DCAF8L2: variants seen among roughly 807,000 people sequenced by gnomAD.
DCAF8L2 encodes the protein DDB1 and CUL4 associated factor 8 like 2, also known as DDB1- and CUL4-associated factor 8-like protein 2.
For synonymous variants in DCAF8L2, 200 were observed against 190.9 expected (o/e 1.05, Z -0.39); for missense variants, 430 against 490.7 (o/e 0.88, Z 1.17).
At chrX:27,547,847 C>T in the DCAF8L2 span, among the ~76,000 whole-genome samples, 722 of 37,618 alleles carry the variant, frequency 0.019, 15 homozygotes, top group African/African-American at 0.14. Flanking sequence ...CTCTCTCTTT[C>T]TCTCTCTCTC....
At chrX:27,612,787 G>C (rs1157735250) in intron 1 of DCAF8L2, among the ~76,000 whole-genome samples, 1 of 111,499 alleles carries the variant, frequency 9.0e-6, no homozygotes, top group Non-Finnish European at 1.9e-5. Flanking sequence ...TGAGGCCTCT[G>C]TTGTGTTCCA....
chrX:27,713,747 A>G (rs915009012), intron 3 of DCAF8L2, among the ~76,000 whole-genome samples: 1 of 111,657 alleles, frequency 9.0e-6, no homozygotes, highest in Non-Finnish European at 1.9e-5. Flanking sequence ...CATAACTGCA[A>G]CCATAGGTAA....
the DCAF8L2 span, among the ~76,000 whole-genome samples, chrX:27,485,640 G>T: frequency 9.0e-5 from 10 of 110,968 alleles, no homozygotes; most frequent in Non-Finnish European, 1.3e-4. Context: ...TAATCTTCTG[G>T]TCATCCTTAA....
chrX:27,533,190 GAAAGAAAGAA>G, the DCAF8L2 span, among the ~76,000 whole-genome samples: 1 of 25,034 alleles, frequency 4.0e-5, no homozygotes, highest in Non-Finnish European at 9.8e-5. Flanking sequence ...AAGAAAGAAA[GAAAGAAAGAA>G]AGAAAGAAAG....
At chrX:27,470,887 T>A in the DCAF8L2 span, among the ~76,000 whole-genome samples, 2 of 112,179 alleles carry the variant, frequency 1.8e-5, no homozygotes, top group African/African-American at 3.2e-5. Context: ...TTAATGAAGA[T>A]TTTATGCCTT....
chrX:27,622,509 C>G (rs1345603454), intron 1 of DCAF8L2, among the ~76,000 whole-genome samples: 2 of 111,207 alleles, frequency 1.8e-5, no homozygotes, highest in African/African-American at 6.6e-5. Context: ...GCAATAATCT[C>G]AAACTCATTT....
intron 4 of DCAF8L2, among the ~76,000 whole-genome samples, chrX:27,743,955 AT>A (rs2147342039): frequency 9.1e-6 from 1 of 109,417 alleles, no homozygotes; most frequent in African/African-American, 3.3e-5. Flanking sequence ...CTGGTCTCAA[AT>A]TCCTGACCTC....
chrX:27,634,655 C>A (rs922672642), intron 2 of DCAF8L2, among the ~76,000 whole-genome samples: 1 of 110,788 alleles, frequency 9.0e-6, no homozygotes, highest in African/African-American at 3.3e-5. Flanking sequence ...AAATCCGAAA[C>A]CTTTTGAGTG....
chrX:27,510,879 G>C, the DCAF8L2 span, among the ~76,000 whole-genome samples: 10 of 111,609 alleles, frequency 9.0e-5, no homozygotes, highest in African/African-American at 3.2e-4. Flanking sequence ...GTGGTTCATA[G>C]AATATTATAC....
chrX:27,611,195 G>C (rs1446681705), intron 1 of DCAF8L2, among the ~76,000 whole-genome samples: 3 of 110,922 alleles, frequency 2.7e-5, no homozygotes, highest in Non-Finnish European at 5.7e-5. Flanking sequence ...TACGGGGATG[G>C]GATATAAATC....
At chrX:27,488,517 C>CTGTGTGTG in the DCAF8L2 span, among the ~76,000 whole-genome samples, 267 of 80,465 alleles carry the variant, frequency 3.3e-3, 5 homozygotes, top group East Asian at 0.014. Flanking sequence ...AAAATTACCT[C>CTGTGTGTG]TGTGTGTGTG....
chrX:27,474,636 T>C, the DCAF8L2 span, among the ~76,000 whole-genome samples: 1 of 112,396 alleles, frequency 8.9e-6, no homozygotes, highest in Admixed American at 9.4e-5. Flanking sequence ...GACGTTGTTA[T>C]TTAAACATGT....
At chrX:27,474,713 T>A in the DCAF8L2 span, among the ~76,000 whole-genome samples, 16 of 111,935 alleles carry the variant, frequency 1.4e-4, no homozygotes, top group Admixed American at 1.3e-3. Flanking sequence ...TATGCTCCTT[T>A]TAAAGGCAAA....
At chrX:27,696,306 GAAAGAAAGAAAGAAAGAAAGAAAGAAAA>G (rs778894531) in intron 3 of DCAF8L2, among the ~76,000 whole-genome samples, 5,683 of 89,103 alleles carry the variant, frequency 0.064, 153 homozygotes, top group East Asian at 0.093. Context: ...AAGAAAGAAA[GAAAGAAAGAAAGAAAGAAAGAAAGAAAA>G]AGAAAGAAAG....
chrX:27,496,546 G>T, the DCAF8L2 span, among the ~76,000 whole-genome samples: 1 of 111,323 alleles, frequency 9.0e-6, no homozygotes, highest in Non-Finnish European at 1.9e-5. Flanking sequence ...TGTGTTTGAG[G>T]ATCATTAGTC....
chrX:27,524,836 G>A, the DCAF8L2 span, among the ~76,000 whole-genome samples: 2 of 111,694 alleles, frequency 1.8e-5, no homozygotes, highest in East Asian at 2.8e-4. Flanking sequence ...GTAGTTGAGC[G>A]GTTTTGAGTG....
intron 1 of DCAF8L2, among the ~76,000 whole-genome samples, chrX:27,619,941 GAT>G (rs1927677814): frequency 9.0e-6 from 1 of 111,557 alleles, no homozygotes; most frequent in Non-Finnish European, 1.9e-5. Context: ...TAATCTAAAA[GAT>G]GAAGTTTAAC....
At chrX:27,548,845 A>G in the DCAF8L2 span, among the ~76,000 whole-genome samples, 2 of 112,198 alleles carry the variant, frequency 1.8e-5, no homozygotes, top group South Asian at 7.4e-4. Context: ...CACAAACATC[A>G]GGAAGCTATG....
intron 2 of DCAF8L2, among the ~76,000 whole-genome samples, chrX:27,664,731 G>C (rs928010783): frequency 9.0e-6 from 1 of 111,534 alleles, no homozygotes; most frequent in Admixed American, 9.6e-5. Flanking sequence ...GTGACTTTAA[G>C]TTAAAGCCAG....
Sources: allele counts gnomAD v4.1 joint callset (sites outside exome capture counted in the v4.1 genomes callset), GRCh38; gene constraint gnomAD v4.1.1; transcripts MANE v1.5; gene names NCBI Gene and HGNC (gene_info 2026-07-23, HGNC 2026-07-21).